EPB41L1: variants seen among roughly 807,000 people sequenced by gnomAD.
EPB41L1 encodes the protein erythrocyte membrane protein band 4.1 like 1.
EPB41L1 carries 29 observed loss-of-function variants against 97.8 expected under a neutral mutation model. The observed-to-expected ratio is 0.30, with a 90% CI of 0.22 to 0.40. The LOEUF is 0.40. EPB41L1 is among the 10% of genes least tolerant of loss of function. EPB41L1 has a pLI of 1.00. For missense variants in EPB41L1, 812 were observed against 1,162.3 expected (o/e 0.70, Z 4.38); for synonymous variants, 383 against 459.2 (o/e 0.83, Z 2.12).
chr20:36,126,680 T>C (rs1774187511), intron 2 of EPB41L1, among the ~76,000 whole-genome samples: 1 of 152,182 alleles, frequency 6.6e-6, no homozygotes, highest in Admixed American at 6.5e-5. Context: ...GAATGTTTTG[T>C]GTATTTATTC....
chr20:36,195,250 C>A lies in EPB41L1; in HGVS notation c.1450-79C>A. ...TGCGTGCTCTGGGCTCCTTGCTGGA[C>A]CAAGCCCATCGTGGTATCTCTAATC... On this transcript the variant is annotated intron_variant, in intron 12 of 21. Coordinates refer to ENST00000338074, the MANE Select transcript of EPB41L1 (RefSeq NM_012156.2). This position sits in a 1 kb window ranked among gnomAD's most constrained non-coding sequence, Gnocchi z 4.6. 6.3e-7 allele frequency: 1 copy of A among 1,582,272 alleles called. No individual in the cohort carries two copies. The highest frequency in any genetic ancestry group is 1.7e-5 in the Admixed American group (1 of 59,686).
chr20:36,155,860 C>A, intron 1 of EPB41L1: 1 of 317,856 alleles, frequency 3.1e-6, no homozygotes, highest in Admixed American at 4.0e-5. Context: ...GATTTAGGAC[C>A]TCTCCAGGGC....
chr20:36,137,959 T>C (rs2059482700), intron 2 of EPB41L1, among the ~76,000 whole-genome samples: 2 of 152,258 alleles, frequency 1.3e-5, no homozygotes, highest in Non-Finnish European at 2.9e-5. Context: ...ATAAGTGGAA[T>C]CATACAGTGT....
rs1421905135 is a variant in EPB41L1, at chr20:36,206,187, C to T, written c.1669-3301C>T. The T allele has an allele frequency of 1.6e-6, 2 of 1,289,886 alleles. No individual in the cohort carries two copies. The highest frequency in any genetic ancestry group is 1.0e-6 in the Non-Finnish European group (1 of 988,892). The allele number at this position is 1,289,886 out of a possible 1,614,324, so 79.9% of individuals were successfully genotyped here. A position where few individuals can be genotyped will look rare whatever the true frequency, so the allele number is the denominator to read the frequency against. ...CCGGCCGCACATTGGCAGAAAAGCTCCTCGAGGGCTCTGAGCTCAGGGCAG... is the reference window on the plus strand; with the variant it reads ...CCGGCCGCACATTGGCAGAAAAGCTTCTCGAGGGCTCTGAGCTCAGGGCAG... On this transcript the variant is annotated intron_variant, in intron 14 of 21. Transcript: ENST00000338074. The surrounding 1 kb of genome is among the most constrained non-coding windows in gnomAD (Gnocchi z 5.5).
intron 21 of EPB41L1, among the ~76,000 whole-genome samples, chr20:36,224,900 C>T (rs1029301385): frequency 2.0e-5 from 3 of 152,148 alleles, no homozygotes. Context: ...TGGCTTACTC[C>T]AGCCTCCACC....
intron 5 of EPB41L1, among the ~76,000 whole-genome samples, chr20:36,181,195 G>A (rs1600784337): frequency 6.6e-6 from 1 of 152,144 alleles, no homozygotes; most frequent in Non-Finnish European, 1.5e-5. Context: ...GATGGGCCTC[G>A]CTTTCTCACT....
chr20:36,142,722 G>C (rs1223141111), intron 2 of EPB41L1, among the ~76,000 whole-genome samples: 3 of 152,110 alleles, frequency 2.0e-5, no homozygotes, highest in African/African-American at 4.8e-5. Flanking sequence ...TGTGTTGAAG[G>C]GGCTTACCTG....
chr20:36,194,430 C>A (rs766345869), intron 12 of EPB41L1, 70 bp downstream of exon 12: 128 of 1,544,742 alleles, frequency 8.3e-5, no homozygotes, highest in Middle Eastern at 1.7e-4. Flanking sequence ...TAGCCTCGGC[C>A]TTGACCTTCA....
chr20:36,187,407 G>A (rs1185879777), intron 7 of EPB41L1, among the ~76,000 whole-genome samples: 3 of 152,194 alleles, frequency 2.0e-5, no homozygotes, highest in Non-Finnish European at 4.4e-5. Context: ...GGCAGAATGA[G>A]GCAAAAATCC....
At chr20:36,137,498 G>C (rs1247190808) in intron 2 of EPB41L1, among the ~76,000 whole-genome samples, 1 of 152,016 alleles carries the variant, frequency 6.6e-6, no homozygotes, top group East Asian at 1.9e-4. Context: ...TGAGATTATA[G>C]GCATGAGTCA....
At chr20:36,097,663 G>C (rs771450520) in intron 1 of EPB41L1, among the ~76,000 whole-genome samples, 43 of 152,214 alleles carry the variant, frequency 2.8e-4, no homozygotes, top group Non-Finnish European at 5.4e-4. Context: ...GCTGTTTATG[G>C]AGGAAAAGGC....
intron 5 of EPB41L1, among the ~76,000 whole-genome samples, chr20:36,179,887 G>A (rs540440012): frequency 1.3e-5 from 2 of 152,190 alleles, no homozygotes; most frequent in Non-Finnish European, 2.9e-5. Flanking sequence ...CAGATCCTCC[G>A]CCTGGGCTTC....
At chr20:36,226,759 A>G (rs750592087) in intron 21 of EPB41L1, among the ~76,000 whole-genome samples, 1 of 152,224 alleles carries the variant, frequency 6.6e-6, no homozygotes, top group Non-Finnish European at 1.5e-5. Context: ...TAAACCAAGA[A>G]GAATAAATCA....
intron 14 of EPB41L1, among the ~76,000 whole-genome samples, chr20:36,203,232 G>A (rs779565384): frequency 1.1e-4 from 17 of 152,224 alleles, no homozygotes; most frequent in Non-Finnish European, 2.2e-4. Flanking sequence ...TCCTCTTCAG[G>A]ATCCTACATT....
intron 2 of EPB41L1, among the ~76,000 whole-genome samples, chr20:36,124,518 C>A (rs1041623225): frequency 6.6e-6 from 1 of 152,134 alleles, no homozygotes; most frequent in Admixed American, 6.6e-5. Flanking sequence ...AGTCTCAAGA[C>A]CTTTACACAT....
Position 36,218,896 on chromosome 20 carries a change from G to A in EPB41L1, c.2289G>A (p.Gly763=). Residue 763 remains glycine, a synonymous_variant, in exon 18 of 22, where the codon GGG becomes GGA. Transcript: ENST00000338074. ...CCCAGGAGAACAGTCTCAAGTCCGG[G>A]AAGGGGGCAGCTGCCATGATCCCAG... The part of the protein sequence containing the change: ...STTMENSLKS[G]KGAAAMIPGP... The A allele has an allele frequency of 6.2e-7, 1 of 1,614,142 alleles. No individual in the cohort carries two copies. Among genetic ancestry groups the A allele is most frequent in the Non-Finnish European group, 8.5e-7 (1 of 1,180,020 alleles).
chr20:36,212,123 ACT>A lies in EPB41L1; in HGVS notation c.2080-146_2080-145del. 1 of 778,542 alleles carries A rather than the reference ACT, an allele frequency of 1.3e-6. No individual in the cohort carries two copies. The highest frequency in any genetic ancestry group is 2.2e-6 in the Non-Finnish European group (1 of 454,540). The allele number at this position is 778,542 out of a possible 1,614,324, so 48.2% of individuals were successfully genotyped here. On this transcript the variant is annotated intron_variant, in intron 15 of 21. Coordinates refer to ENST00000338074, the MANE Select transcript of EPB41L1 (RefSeq NM_012156.2). This position sits in a 1 kb window ranked among gnomAD's most constrained non-coding sequence, Gnocchi z 4.8. ...TATCTGTCTATGATATCACACCACA[ACT>A]CTTTTACCCTGTCCAGAGTACCCTT...
chr20:36,193,244 G>A (rs1276261581), intron 11 of EPB41L1, among the ~76,000 whole-genome samples: 1 of 152,152 alleles, frequency 6.6e-6, no homozygotes, highest in African/African-American at 2.4e-5. Flanking sequence ...CTCACCAAAA[G>A]GTCACCAGTG....
intron 1 of EPB41L1, among the ~76,000 whole-genome samples, chr20:36,168,414 G>A (rs890444376): frequency 6.6e-6 from 1 of 152,112 alleles, no homozygotes; most frequent in South Asian, 2.1e-4. Context: ...TCCATTTGTT[G>A]TGGGTGGACA....
Sources: gnomAD v4.1 joint callset for allele counts (sites outside exome capture counted in the v4.1 genomes callset) on GRCh38, gnomAD v4.1.1 for gene constraint, Gnocchi (gnomAD v3.1) non-coding constraint, MANE v1.5 for transcripts, NCBI Gene and HGNC (gene_info 2026-07-23, HGNC 2026-07-21) for gene names.